Variants in NT5C2 observed in about 807,000 individuals in gnomAD.
NT5C2 encodes 5'-nucleotidase, cytosolic II, also known as cytosolic purine 5'-nucleotidase.
Under a neutral mutation model 76.1 loss-of-function variants are expected in NT5C2, and 58 were observed. The ratio of observed to expected loss-of-function variants is 0.76; its 90% confidence interval spans 0.62 to 0.95. The LOEUF (loss-of-function observed/expected upper bound fraction) is 0.95. Among genes scored for constraint, NT5C2 ranks in the 40% least tolerant of loss-of-function variants. The probability of loss-of-function intolerance (pLI) is 0.00; values close to 1 mark genes in which losing one functional copy is unlikely to be tolerated. For missense variants in NT5C2, 478 were observed against 690.3 expected, an observed-to-expected ratio of 0.69 and a Z score of 3.45; for synonymous variants, 229 against 237.4, an observed-to-expected ratio of 0.96 and a Z score of 0.32.
intron 15 of NT5C2, among the ~76,000 whole-genome samples, 166 bp downstream of exon 15, chr10:103,092,973 C>G (rs1400520776): frequency 2.6e-5 from 4 of 152,178 alleles, no homozygotes; most frequent in African/African-American, 4.8e-5. Context: ...TTCTGGAGTT[C>G]TGTGAAATAT....
intron 3 of NT5C2, among the ~76,000 whole-genome samples, chr10:103,173,603 C>A (rs1054147520): frequency 2.5e-5 from 3 of 118,918 alleles, no homozygotes; most frequent in Admixed American, 9.8e-5. Flanking sequence ...GGGAGCGAGA[C>A]GCCGTCTCAA....
chr10:103,145,917 T>C, intron 3 of NT5C2: 1 of 256,388 alleles, frequency 3.9e-6, no homozygotes. Flanking sequence ...TAATGTGCTT[T>C]AGAAATAAGA....
intron 3 of NT5C2, among the ~76,000 whole-genome samples, chr10:103,141,466 T>A (rs1418046996): frequency 6.6e-6 from 1 of 151,942 alleles, no homozygotes; most frequent in Non-Finnish European, 1.5e-5. Context: ...CCCAAAAAAA[T>A]AACAAATAAA....
chr10:103,159,334 A>G (rs2084238269), intron 3 of NT5C2, among the ~76,000 whole-genome samples: 2 of 152,024 alleles, frequency 1.3e-5, no homozygotes, highest in Admixed American at 6.6e-5. Flanking sequence ...GGCAGGATAC[A>G]AGATTAATAT....
At position 103,089,868 on chromosome 10, in the gene NT5C2, A is replaced by G. The variant is rs767007558; in HGVS notation, c.1490T>C (p.Ile497Thr). The G allele has an allele frequency of 1.9e-6, 3 of 1,613,672 alleles. No homozygotes were observed. The highest frequency in any genetic ancestry group is 1.7e-4 in the Middle Eastern group (1 of 6,060). The change falls in exon 19 of 19, where the codon ATC becomes ACC. Residue 497 changes from isoleucine to threonine, a missense_variant. By Grantham distance (89) the Ile-to-Thr change is moderately conservative. Transcript: ENST00000404739. ...GGCAAGAGGAGACTCCATCTCATTG[A>G]TATCTACGTGTGTGTGCTCCACCGT... The part of the protein sequence containing the change: ...ESTVEHTHVD[I>T]NEMESPLATR...
intron 15 of NT5C2, 138 bp downstream of exon 15, chr10:103,093,001 A>G (rs2067306716): frequency 1.8e-6 from 1 of 556,076 alleles, no homozygotes; most frequent in Non-Finnish European, 3.0e-6. Context: ...TTCTATGGGA[A>G]GGAAGTATCC....
intron 3 of NT5C2, among the ~76,000 whole-genome samples, chr10:103,171,994 G>A (rs2088175358): frequency 6.6e-6 from 1 of 152,070 alleles, no homozygotes. Context: ...TAGATCACCT[G>A]ATATCAGGAG....
intron 3 of NT5C2, among the ~76,000 whole-genome samples, chr10:103,151,510 C>T (rs2082404859): frequency 6.6e-6 from 1 of 151,004 alleles, no homozygotes; most frequent in Admixed American, 6.6e-5. Context: ...ATTAGCTTAA[C>T]TTCATTGCTG....
At chr10:103,186,979 G>A (rs186546922) in intron 1 of NT5C2, among the ~76,000 whole-genome samples, 15 of 152,134 alleles carry the variant, frequency 9.9e-5, no homozygotes, top group African/African-American at 2.9e-4. Context: ...GGCCAGGGGC[G>A]GTGGTTCACG....
chr10:103,108,530 A>T (rs1435117962), intron 4 of NT5C2, among the ~76,000 whole-genome samples: 2 of 152,192 alleles, frequency 1.3e-5, no homozygotes, highest in Non-Finnish European at 2.9e-5. Context: ...GAAATATATA[A>T]CAGTAATACT....
chr10:103,153,476 A>G, intron 3 of NT5C2: 1 of 985,438 alleles, frequency 1.0e-6, no homozygotes, highest in Non-Finnish European at 1.2e-6. Flanking sequence ...AGTGACCAAT[A>G]TCCTCAGCTT....
chr10:103,098,380 G>C (rs757194751), intron 10 of NT5C2: 21 of 223,590 alleles, frequency 9.4e-5, no homozygotes, highest in Non-Finnish European at 1.6e-4. Context: ...TCTGTTGACA[G>C]GTTAAAGGCA....
At chr10:103,165,200 T>C (rs112136257) in intron 3 of NT5C2, among the ~76,000 whole-genome samples, 5 of 152,142 alleles carry the variant, frequency 3.3e-5, no homozygotes, top group African/African-American at 1.2e-4. Context: ...GCTCAAGAAA[T>C]CCACCTGCCT....
At chr10:103,090,097 A>G (rs933396068) in intron 18 of NT5C2, 189 bp from the exon 19 acceptor site, 1 of 475,808 alleles carries the variant, frequency 2.1e-6, no homozygotes, top group Non-Finnish European at 3.7e-6. Flanking sequence ...CTGCCCCTCA[A>G]AATGGTGCCC....
chr10:103,090,830 T>C (rs1436973740), intron 17 of NT5C2, 43 bp from the exon 18 acceptor site: 1 of 1,606,808 alleles, frequency 6.2e-7, no homozygotes, highest in Non-Finnish European at 8.5e-7. Context: ...ATTCAACAAA[T>C]ATTTATTGAG....
At chr10:103,101,155 A>G (rs2069525375) in intron 7 of NT5C2, 53 bp from the exon 8 acceptor site, 1 of 1,459,722 alleles carries the variant, frequency 6.9e-7, no homozygotes, top group African/African-American at 1.4e-5. Context: ...ATTCAAACTT[A>G]TTTCATTACC....
intron 3 of NT5C2, among the ~76,000 whole-genome samples, chr10:103,169,920 T>C (rs1300709282): frequency 6.6e-6 from 1 of 150,386 alleles, no homozygotes; most frequent in Non-Finnish European, 1.5e-5. Context: ...AGGTCAGGAG[T>C]TCAAGACCAG....
chr10:103,148,990 C>T (rs1165316134), intron 3 of NT5C2, among the ~76,000 whole-genome samples: 2 of 152,060 alleles, frequency 1.3e-5, no homozygotes, highest in Non-Finnish European at 2.9e-5. Context: ...ACAGAAGGGC[C>T]CACAAAGAAA....
chr10:103,142,839 T>C (rs1232521455), intron 3 of NT5C2, among the ~76,000 whole-genome samples: 1 of 151,626 alleles, frequency 6.6e-6, no homozygotes, highest in Admixed American at 6.6e-5. Context: ...AAAAATTAGC[T>C]GAGCATGGTG....
Sources: gnomAD v4.1 joint callset for allele counts (sites outside exome capture counted in the v4.1 genomes callset) on GRCh38, gnomAD v4.1.1 for gene constraint, MANE v1.5 for transcripts, NCBI Gene and HGNC (gene_info 2026-07-23, HGNC 2026-07-21) for gene names.